The following RPH3A variants were observed in gnomAD, a reference collection of about 807,000 sequenced individuals.
The protein encoded by RPH3A is rabphilin-3A.
Under a neutral mutation model 102.2 loss-of-function variants are expected in RPH3A, and 48 were observed. The observed-to-expected ratio is 0.47, with a 90% CI of 0.37 to 0.60. The LOEUF is 0.60. Among genes scored for constraint, RPH3A ranks in the 20% least tolerant of loss-of-function variants. The pLI is 0.00. For missense variants in RPH3A, 781 were observed against 910.1 expected (o/e 0.86, Z 1.83); for synonymous variants, 310 against 324.3 (o/e 0.96, Z 0.47).
chr12:112,759,961 G>A (rs2040844385), intron 1 of RPH3A, among the ~76,000 whole-genome samples: 1 of 152,192 alleles, frequency 6.6e-6, no homozygotes, highest in Admixed American at 6.5e-5. Flanking sequence ...TCCAGGTGCT[G>A]AGTCACGTCG....
chr12:112,822,906 G>A (rs1262120364), intron 2 of RPH3A, among the ~76,000 whole-genome samples: 1 of 152,228 alleles, frequency 6.6e-6, no homozygotes, highest in Non-Finnish European at 1.5e-5. Context: ...GTTACTGAAA[G>A]TAGATGATTC....
At chr12:112,759,708 T>A (rs1483290025) in intron 1 of RPH3A, among the ~76,000 whole-genome samples, 2 of 152,176 alleles carry the variant, frequency 1.3e-5, no homozygotes, top group Non-Finnish European at 2.9e-5. Flanking sequence ...GGGCCCTCAG[T>A]ATCAGGGGCT....
intron 10 of RPH3A, 28 bp from the exon 11 acceptor site, chr12:112,875,056 T>C: frequency 6.4e-7 from 1 of 1,568,320 alleles, no homozygotes; most frequent in Non-Finnish European, 8.7e-7. Flanking sequence ...TGACACATAA[T>C]GGCTGTTTTC....
rs144134912 is a variant in RPH3A at position 112,839,519 on chromosome 12, C to T, written c.83+3017C>T. On this transcript the variant is annotated intron_variant, in intron 4 of 21. Transcript: ENST00000389385. ...GGAATGATACATTCTTTTCCACATG[C>T]CTCACCTTCCAACAGGATATCCTGG... 3.6e-3 allele frequency among the ~76,000 whole-genome samples: 555 copies of T among 152,230 alleles called. 3 individuals carry two copies. Among genetic ancestry groups the T allele is most frequent in the African/African-American group, 0.012 (481 of 41,542 alleles).
intron 5 of RPH3A, among the ~76,000 whole-genome samples, chr12:112,854,034 A>G (rs1341923182): frequency 1.3e-5 from 2 of 152,200 alleles, no homozygotes; most frequent in Non-Finnish European, 2.9e-5. Flanking sequence ...GTTGGATGGG[A>G]TAGTCTTCAA....
intron 1 of RPH3A, among the ~76,000 whole-genome samples, chr12:112,610,701 G>A (rs1691494936): frequency 6.6e-6 from 1 of 151,864 alleles, no homozygotes; most frequent in Non-Finnish European, 1.5e-5. Flanking sequence ...GCATGATCTT[G>A]GCTCACTGCA....
At chr12:112,725,697 C>G (rs2136045070) in intron 1 of RPH3A, among the ~76,000 whole-genome samples, 1 of 152,226 alleles carries the variant, frequency 6.6e-6, no homozygotes, top group Admixed American at 6.5e-5. Flanking sequence ...CAGATCGGAG[C>G]TACCTGCCAT....
chr12:112,588,743 G>T (rs2039456421), intron 1 of RPH3A, among the ~76,000 whole-genome samples: 1 of 152,116 alleles, frequency 6.6e-6, no homozygotes, highest in Non-Finnish European at 1.5e-5. Flanking sequence ...CCGTTTTCTG[G>T]GGGTGTGGGG....
chr12:112,809,141 C>T (rs757671290), intron 2 of RPH3A, among the ~76,000 whole-genome samples: 12 of 152,112 alleles, frequency 7.9e-5, no homozygotes, highest in Non-Finnish European at 4.4e-5. Flanking sequence ...GTATAATGGA[C>T]CCTAAACCTC....
chr12:112,746,432 C>T (rs1241253692), intron 1 of RPH3A, among the ~76,000 whole-genome samples: 1 of 152,052 alleles, frequency 6.6e-6, no homozygotes, highest in African/African-American at 2.4e-5. Flanking sequence ...CAAATACCCA[C>T]CCTGCCCTCC....
In RPH3A at chr12:112,876,855, C is replaced by T. The variant is rs756024491; in HGVS notation, c.1160C>T (p.Ser387Leu). Residue 387 changes from serine to leucine, a missense_variant, in exon 13 of 22, where the codon TCG becomes TTG. Around this residue, in one of 2 missense-constraint regions of RPH3A, gnomAD observed 730 missense variants for 810.0 expected, o/e 0.90. Coordinates refer to ENST00000389385, the MANE Select transcript of RPH3A (RefSeq NM_001143854.2). ...GAAGAGGAAGCCAACAGCTACGATT[C>T]GGATGAAGCAAGTAGGTGGTGCCTA... Reference protein sequence around the residue: ...EEEEEANSYDSDEATTLGALE... With the variant: ...EEEEEANSYDLDEATTLGALE... The T allele has an allele frequency of 3.1e-6, 5 of 1,598,632 alleles. No homozygotes were observed. Among genetic ancestry groups the T allele is most frequent in the African/African-American group, 1.3e-5 (1 of 74,466 alleles).
At chr12:112,677,456 TCC>T (rs1216322102) in intron 1 of RPH3A, among the ~76,000 whole-genome samples, 14 of 137,480 alleles carry the variant, frequency 1.0e-4, no homozygotes, top group African/African-American at 3.6e-4. Flanking sequence ...CTTCCTTCCT[TCC>T]TTCCTTCCTT....
rs573621920 is a variant in RPH3A at position 112,747,429 on chromosome 12, T to C, written c.-139-44714T>C. Among the ~76,000 whole-genome samples the C allele has an allele frequency of 2.0e-5, 3 of 152,334 alleles. No homozygotes were observed. In the South Asian group the frequency reaches 6.2e-4, roughly 32 times the overall value. On this transcript the variant is annotated intron_variant, in intron 1 of 21. Transcript: ENST00000543106. Reference sequence around the variant, plus strand: ...TTGGACTTTCCAGCCTCCAGAACTATAAGAAATAAATTTCTGTTATTTTTA... The same window carrying C: ...TTGGACTTTCCAGCCTCCAGAACTACAAGAAATAAATTTCTGTTATTTTTA...
intron 1 of RPH3A, among the ~76,000 whole-genome samples, chr12:112,663,655 C>T (rs768808479): frequency 2.0e-5 from 3 of 152,070 alleles, no homozygotes; most frequent in Non-Finnish European, 4.4e-5. Flanking sequence ...CTGTGCCTGG[C>T]CCCATAAATT....
At chr12:112,879,513 C>T (rs755975230) in intron 14 of RPH3A, among the ~76,000 whole-genome samples, 8 of 152,158 alleles carry the variant, frequency 5.3e-5, no homozygotes, top group Non-Finnish European at 1.0e-4. Flanking sequence ...AGGTTCTGCC[C>T]AGGAGGAGAT....
intron 5 of RPH3A, among the ~76,000 whole-genome samples, chr12:112,855,341 A>G (rs889686380): frequency 3.3e-5 from 5 of 152,240 alleles, no homozygotes; most frequent in Admixed American, 2.6e-4. Flanking sequence ...CACAGTGAGC[A>G]CTCAGAAACA....
chr12:112,823,228 C>A (rs2041811061), intron 2 of RPH3A, among the ~76,000 whole-genome samples: 2 of 152,214 alleles, frequency 1.3e-5, no homozygotes, highest in South Asian at 4.1e-4. Context: ...CAATCCAAAG[C>A]CCAGGGGCAA....
chr12:112,678,319 A>G (rs381288), intron 1 of RPH3A, among the ~76,000 whole-genome samples: 5,195 of 60,190 alleles, frequency 0.086, 549 homozygotes, highest in African/African-American at 0.16. Context: ...GAGAGAGAGA[A>G]AGAAAGAAAG....
At chr12:112,799,353 A>G (rs1009781048) in intron 2 of RPH3A, among the ~76,000 whole-genome samples, 5 of 152,190 alleles carry the variant, frequency 3.3e-5, no homozygotes, top group Non-Finnish European at 5.9e-5. Flanking sequence ...GTGCCACTGT[A>G]CTACAGCCTC....
Sources: gnomAD v4.1 joint callset for allele counts (sites outside exome capture counted in the v4.1 genomes callset) on GRCh38, gnomAD v4.1.1 for gene constraint, gnomAD v4.1.1 regional missense constraint, MANE v1.5 for transcripts, NCBI Gene and HGNC (gene_info 2026-07-23, HGNC 2026-07-21) for gene names.